Variants in SLC43A2 observed in about 807,000 individuals in gnomAD.
SLC43A2 encodes the protein solute carrier family 43 member 2.
SLC43A2 carries 38 observed loss-of-function variants against 63.2 expected under a neutral mutation model. That is an observed-to-expected ratio of 0.60 (90% CI 0.46 to 0.79). SLC43A2 has a LOEUF of 0.79. Among genes scored for constraint, SLC43A2 ranks in the 30% least tolerant of loss-of-function variants. The pLI is 0.00. For missense variants in SLC43A2, 644 were observed against 756.2 expected, an observed-to-expected ratio of 0.85 and a Z score of 1.74; for synonymous variants, 322 against 331.0, an observed-to-expected ratio of 0.97 and a Z score of 0.30.
chr17:1,587,953 GTT>G, intron 9 of SLC43A2, among the ~76,000 whole-genome samples: 1 of 152,122 alleles, frequency 6.6e-6, no homozygotes, highest in South Asian at 2.1e-4. Context: ...GCCCTGGACT[GTT>G]TTCCCCCCTT....
intron 5 of SLC43A2, among the ~76,000 whole-genome samples, chr17:1,601,888 G>C (rs1410566699): frequency 6.7e-6 from 1 of 148,180 alleles, no homozygotes; most frequent in Admixed American, 6.8e-5. Context: ...TGATGCAAAG[G>C]TGCTACTGAG....
At position 1,605,466 on chromosome 17, in the gene SLC43A2, G is replaced by A. The variant is rs1906516570; in HGVS notation, c.501+7729C>T. On this transcript the variant is annotated intron_variant, in intron 5 of 13. Transcript: ENST00000301335. This position sits in a 1 kb window ranked among gnomAD's most constrained non-coding sequence, Gnocchi z 4.9. Reference sequence around the variant, plus strand: ...CCCAGGGCAGGCCATGGCATTGCTGGCAGGCAGAAACAAGGGGCAACCGTG... The same window carrying A: ...CCCAGGGCAGGCCATGGCATTGCTGACAGGCAGAAACAAGGGGCAACCGTG... 6.6e-6 allele frequency among the ~76,000 whole-genome samples: 1 copy of A among 152,192 alleles called. No homozygotes were observed. The highest frequency in any genetic ancestry group is 6.5e-5 in the Admixed American group (1 of 15,270).
At chr17:1,624,088 G>A (rs35832030) in intron 2 of SLC43A2, among the ~76,000 whole-genome samples, 3 of 152,214 alleles carry the variant, frequency 2.0e-5, no homozygotes, top group African/African-American at 7.2e-5. Context: ...CACCCAGCAC[G>A]GCACCTTCGT....
In SLC43A2 at chr17:1,627,702, G is replaced by A; in HGVS notation, c.160+13C>T. 1.5e-6 allele frequency: 2 copies of A among 1,320,952 alleles called. No individual in the cohort carries two copies. The highest frequency in any genetic ancestry group is 1.0e-6 in the Non-Finnish European group (1 of 1,003,312). The allele number at this position is 1,320,952 out of a possible 1,614,324, so 81.8% of individuals were successfully genotyped here. ...CTCCAGGAGCCCCCCGCAACCCCAG[G>A]CGCTTGTCTCACCTGGCTCGGTACA... On this transcript the variant is annotated intron_variant, in intron 2 of 13. Transcript: ENST00000301335.
At chr17:1,599,911 G>T (rs1333018040) in intron 5 of SLC43A2, among the ~76,000 whole-genome samples, 1 of 149,180 alleles carries the variant, frequency 6.7e-6, no homozygotes, top group South Asian at 2.1e-4. Context: ...GGGCGTGGTG[G>T]CGGGCGCCTG....
intron 5 of SLC43A2, among the ~76,000 whole-genome samples, chr17:1,610,015 T>A (rs1467633261): frequency 2.0e-5 from 3 of 152,068 alleles, no homozygotes; most frequent in African/African-American, 7.2e-5. Context: ...GTTCAAGCGA[T>A]TCTCCTGCCT....
intron 5 of SLC43A2, among the ~76,000 whole-genome samples, chr17:1,607,545 G>T (rs138606599): frequency 6.6e-6 from 1 of 152,086 alleles, no homozygotes; most frequent in Non-Finnish European, 1.5e-5. Context: ...CTCCACCCTG[G>T]GGGGAGGCAG....
intron 11 of SLC43A2, among the ~76,000 whole-genome samples, chr17:1,582,157 GCAACCTCCGCCTCCCAGGTT>G (rs1330141172): frequency 6.6e-6 from 1 of 151,352 alleles, no homozygotes. Flanking sequence ...TCAGTTCACT[GCAACCTCCGCCTCCCAGGTT>G]CAAATGATTC....
chr17:1,575,903 C>T lies in SLC43A2; in HGVS notation c.1549-138G>A, dbSNP rs113593481. The T allele has an allele frequency of 7.9e-4, 793 of 1,006,992 alleles. 1 individual carries two copies. The African/African-American group carries it at 0.011, about 15-fold the overall frequency. 62.4% of individuals were successfully genotyped at this position (1,006,992 alleles called of 1,614,324 possible). A position where few individuals can be genotyped will look rare whatever the true frequency, so the allele number is the denominator to read the frequency against. On this transcript the variant is annotated intron_variant, in intron 13 of 13. Coordinates refer to ENST00000301335, the MANE Select transcript of SLC43A2 (RefSeq NM_152346.3). Reference sequence around the variant, plus strand: ...ACGAAACAGGAAGGCCCACGAGGTCCCATATGCCAGCGTCCCGGTTCCCAA... The same window carrying T: ...ACGAAACAGGAAGGCCCACGAGGTCTCATATGCCAGCGTCCCGGTTCCCAA...
Position 1,583,193 on chromosome 17 carries a change from C to G in SLC43A2, c.1350+11G>C. ...CACCTCCCACCTGCCCCTCCCACTC[C>G]CCACACCCACCTGGAGAGGCAGGTT... On this transcript the variant is annotated intron_variant, in intron 11 of 13. Transcript: ENST00000301335. This position sits in a 1 kb window ranked among gnomAD's most constrained non-coding sequence, Gnocchi z 5.5. The G allele has an allele frequency of 1.2e-6, 2 of 1,613,624 alleles. No individual in the cohort carries two copies. Among genetic ancestry groups the G allele is most frequent in the East Asian group, 2.2e-5 (1 of 44,868 alleles).
intron 5 of SLC43A2, among the ~76,000 whole-genome samples, chr17:1,594,923 C>T (rs566655369): frequency 3.9e-5 from 6 of 152,136 alleles, no homozygotes; most frequent in African/African-American, 7.2e-5. Flanking sequence ...ATCTGCTGGA[C>T]GCAGTGGCTC....
At chr17:1,615,999 C>T (rs1348795195) in intron 3 of SLC43A2, among the ~76,000 whole-genome samples, 3 of 148,038 alleles carry the variant, frequency 2.0e-5, no homozygotes, top group Admixed American at 6.7e-5. Flanking sequence ...GCCGAGATCA[C>T]GCCACTGCAC....
At position 1,583,058 on chromosome 17, in the gene SLC43A2, A is replaced by ACAAACTCCAG; in HGVS notation, c.1350+145_1350+146insCTGGAGTTTG. 1 of 886,990 alleles carries ACAAACTCCAG rather than the reference A, an allele frequency of 1.1e-6. No individual in the cohort carries two copies. Among genetic ancestry groups the ACAAACTCCAG allele is most frequent in the Non-Finnish European group, 1.7e-6 (1 of 586,768 alleles). The allele number at this position is 886,990 out of a possible 1,614,324, so 54.9% of individuals were successfully genotyped here. On this transcript the variant is annotated intron_variant, in intron 11 of 13. Coordinates refer to ENST00000301335, the MANE Select transcript of SLC43A2 (RefSeq NM_152346.3). The surrounding 1 kb of genome is among the most constrained non-coding windows in gnomAD (Gnocchi z 5.5). ...CACACCACTGCACTCCAGCCTGAGC[A>ACAAACTCCAG]ACAGAGTTTGACTCTGTCTCAAAAA...
chr17:1,575,989 T>G (rs1306126666), intron 13 of SLC43A2, among the ~76,000 whole-genome samples: 1 of 152,002 alleles, frequency 6.6e-6, no homozygotes, highest in Non-Finnish European at 1.5e-5. Flanking sequence ...CGGGCTGATC[T>G]GAACCTCTGG....
In SLC43A2 at chr17:1,618,854, G is replaced by A. The variant is rs537942340; in HGVS notation, c.161-2085C>T. On this transcript the variant is annotated intron_variant, in intron 2 of 13. Transcript: ENST00000301335. ...TCAAAAATTAGCCAGGCATGGTGGCGCATGCCTGTAATCCCAGCTACTCAG... is the reference window on the plus strand; with the variant it reads ...TCAAAAATTAGCCAGGCATGGTGGCACATGCCTGTAATCCCAGCTACTCAG... Among the ~76,000 whole-genome samples, 30 of 150,834 alleles carry A rather than the reference G, an allele frequency of 2.0e-4. 1 individual carries two copies. In the South Asian group the frequency reaches 6.3e-3, roughly 32 times the overall value.
Position 1,577,159 on chromosome 17 carries a change from C to T in SLC43A2, c.1425-439G>A, listed in dbSNP as rs1054367781. Among the ~76,000 whole-genome samples, 9 of 152,212 alleles carry T rather than the reference C, an allele frequency of 5.9e-5. No individual in the cohort carries two copies. The highest frequency in any genetic ancestry group is 1.7e-4 in the African/African-American group (7 of 41,464). On this transcript the variant is annotated intron_variant, in intron 12 of 13. Transcript: ENST00000301335. The surrounding 1 kb of genome is among the most constrained non-coding windows in gnomAD (Gnocchi z 4.9). Reference sequence around the variant, plus strand: ...GATTACAGGCGTGAGCCACCGCGCCCGGCCCTGCTGGGTGGTTCTGCAAAG... The same window carrying T: ...GATTACAGGCGTGAGCCACCGCGCCTGGCCCTGCTGGGTGGTTCTGCAAAG...
chr17:1,609,156 G>C (rs1357723206), intron 5 of SLC43A2, among the ~76,000 whole-genome samples: 1 of 152,208 alleles, frequency 6.6e-6, no homozygotes, highest in African/African-American at 2.4e-5. Context: ...CACTGGAAGG[G>C]ACATGGAGGA....
chr17:1,581,356 G>A (rs572399416), intron 11 of SLC43A2, among the ~76,000 whole-genome samples: 1 of 152,364 alleles, frequency 6.6e-6, no homozygotes, highest in East Asian at 1.9e-4. Context: ...GGCGGTTAGG[G>A]CAAAGGTCTG....
chr17:1,604,492 A>G, intron 5 of SLC43A2: 1 of 553,158 alleles, frequency 1.8e-6, no homozygotes, highest in South Asian at 2.2e-5. Context: ...GGGCCGGTTC[A>G]GCCCTCCTTA....
Sources: allele counts gnomAD v4.1 joint callset (sites outside exome capture counted in the v4.1 genomes callset), GRCh38; gene constraint gnomAD v4.1.1; non-coding constraint Gnocchi (gnomAD v3.1); transcripts MANE v1.5; gene names NCBI Gene and HGNC (gene_info 2026-07-23, HGNC 2026-07-21).